Variants in OSBPL8 observed in about 807,000 individuals in gnomAD.
The protein encoded by OSBPL8 is oxysterol-binding protein-related protein 8.
OSBPL8 carries 59 observed loss-of-function variants against 125.5 expected under a neutral mutation model. That is an observed-to-expected ratio of 0.47 (90% CI 0.38 to 0.58). The LOEUF is 0.58. OSBPL8 is among the 20% of genes least tolerant of loss of function. The probability of loss-of-function intolerance (pLI) is 0.00; values close to 1 mark genes in which losing one functional copy is unlikely to be tolerated. For synonymous variants in OSBPL8, 330 were observed against 338.9 expected, an observed-to-expected ratio of 0.97 and a Z score of 0.29; for missense variants, 758 against 1,047.8, an observed-to-expected ratio of 0.72 and a Z score of 3.82.
At chr12:76,490,161 T>G (rs900158844) in intron 1 of OSBPL8, among the ~76,000 whole-genome samples, 6 of 152,208 alleles carry the variant, frequency 3.9e-5, no homozygotes, top group Non-Finnish European at 8.8e-5. Context: ...TTTCTGAAGA[T>G]AGAATCTACT....
chr12:76,378,190 C>A (rs1022539531), intron 16 of OSBPL8, among the ~76,000 whole-genome samples: 3 of 152,070 alleles, frequency 2.0e-5, no homozygotes, highest in South Asian at 4.1e-4. Flanking sequence ...GCACATCAGG[C>A]AAGTGCAAAG....
intron 3 of OSBPL8, among the ~76,000 whole-genome samples, chr12:76,453,079 G>C (rs1011044085): frequency 1.3e-5 from 2 of 151,432 alleles, no homozygotes; most frequent in African/African-American, 4.9e-5. Flanking sequence ...TTTCATTGTA[G>C]CTCCTATCAT....
intron 8 of OSBPL8, among the ~76,000 whole-genome samples, chr12:76,397,358 G>A (rs1953855121): frequency 7.7e-6 from 1 of 130,634 alleles, no homozygotes; most frequent in Admixed American, 7.7e-5. Context: ...GGGGGGGTGG[G>A]GGCAGGTGGG....
At chr12:76,464,231 G>C (rs866010975) in intron 2 of OSBPL8, among the ~76,000 whole-genome samples, 1 of 152,060 alleles carries the variant, frequency 6.6e-6, no homozygotes. Context: ...ATCCATGATC[G>C]CACCTGTGAA....
intron 1 of OSBPL8, among the ~76,000 whole-genome samples, chr12:76,549,685 A>G (rs1386535296): frequency 6.6e-6 from 1 of 152,134 alleles, no homozygotes. Flanking sequence ...ACAGGCGTTG[A>G]TGTATGACTT....
intron 2 of OSBPL8, among the ~76,000 whole-genome samples, chr12:76,465,424 GTGGCGGGCGCC>G (rs1454152328): frequency 6.6e-6 from 1 of 152,032 alleles, no homozygotes; most frequent in African/African-American, 2.4e-5. Flanking sequence ...GCCGGGCGTG[GTGGCGGGCGCC>G]TATAGTCCTA....
intron 3 of OSBPL8, 133 bp downstream of exon 3, chr12:76,459,709 TTTATATTCTTTACTTTA>T: frequency 1.1e-6 from 1 of 871,786 alleles, no homozygotes. Flanking sequence ...TAAATGACCA[TTTATATTCTTTACTTTA>T]TATTTCAATT....
chr12:76,549,744 G>C (rs1423909661), intron 1 of OSBPL8, among the ~76,000 whole-genome samples: 3 of 152,040 alleles, frequency 2.0e-5, no homozygotes, highest in Non-Finnish European at 2.9e-5. Flanking sequence ...ATCCTTTCAG[G>C]GTTCTAAAGG....
intron 1 of OSBPL8, chr12:76,537,071 T>G (rs753447469): frequency 9.2e-5 from 14 of 152,412 alleles, no homozygotes; most frequent in Non-Finnish European, 1.6e-4. Flanking sequence ...ATTATAATTA[T>G]TAAAATATAA....
At chr12:76,395,448 CA>C (rs1227372593) in intron 8 of OSBPL8, among the ~76,000 whole-genome samples, 1 of 151,574 alleles carries the variant, frequency 6.6e-6, no homozygotes, top group Non-Finnish European at 1.5e-5. Flanking sequence ...GTTATTAGGT[CA>C]AAAAATGAAA....
chr12:76,515,372 T>C (rs1216479042), intron 1 of OSBPL8, among the ~76,000 whole-genome samples: 1 of 152,210 alleles, frequency 6.6e-6, no homozygotes, highest in Non-Finnish European at 1.5e-5. Context: ...GCAGGATCTT[T>C]ATTTCATGGA....
chr12:76,388,496 C>T (rs1017366571), intron 12 of OSBPL8, among the ~76,000 whole-genome samples: 8 of 152,206 alleles, frequency 5.3e-5, no homozygotes, highest in African/African-American at 1.7e-4. Context: ...CAGGAATTTG[C>T]CTTACATTCT....
intron 3 of OSBPL8, among the ~76,000 whole-genome samples, chr12:76,457,423 T>C (rs976242160): frequency 6.6e-6 from 1 of 152,260 alleles, no homozygotes; most frequent in Non-Finnish European, 1.5e-5. Context: ...ATATATTTTA[T>C]GCATTCATGA....
chr12:76,479,867 T>C (rs1348552742), intron 2 of OSBPL8, among the ~76,000 whole-genome samples: 1 of 152,030 alleles, frequency 6.6e-6, no homozygotes, highest in Non-Finnish European at 1.5e-5. Context: ...AACAACCTAC[T>C]ATAAAAAGAA....
intron 4 of OSBPL8, among the ~76,000 whole-genome samples, chr12:76,435,323 T>C (rs1871323106): frequency 6.6e-6 from 1 of 152,110 alleles, no homozygotes; most frequent in Non-Finnish European, 1.5e-5. Flanking sequence ...CTGCATGATC[T>C]CTCTTATATG....
intron 2 of OSBPL8, among the ~76,000 whole-genome samples, chr12:76,475,208 A>G: frequency 6.6e-6 from 1 of 152,220 alleles, no homozygotes; most frequent in Non-Finnish European, 1.5e-5. Flanking sequence ...GTGGGTGTCT[A>G]AGCTTTAATT....
intron 1 of OSBPL8, among the ~76,000 whole-genome samples, chr12:76,497,430 T>C (rs939970563): frequency 3.3e-5 from 5 of 152,156 alleles, no homozygotes; most frequent in Admixed American, 1.3e-4. Context: ...AATAGCACAA[T>C]TGTATGCATA....
intron 1 of OSBPL8, among the ~76,000 whole-genome samples, chr12:76,547,901 C>G (rs765724194): frequency 9.2e-5 from 14 of 152,050 alleles, no homozygotes; most frequent in Non-Finnish European, 1.9e-4. Flanking sequence ...ATGAAGCAAG[C>G]AAGAATTCAG....
chr12:76,420,251 T>C (rs1869294933), intron 4 of OSBPL8, among the ~76,000 whole-genome samples: 2 of 151,884 alleles, frequency 1.3e-5, no homozygotes, highest in South Asian at 2.1e-4. Context: ...AAGAAAAAAA[T>C]CTGAGAAGTC....
Sources: allele counts gnomAD v4.1 joint callset (sites outside exome capture counted in the v4.1 genomes callset), GRCh38; gene constraint gnomAD v4.1.1; transcripts MANE v1.5; gene names NCBI Gene and HGNC (gene_info 2026-07-23, HGNC 2026-07-21).